Variants in ERICH3 observed in about 807,000 individuals in gnomAD.
The protein encoded by ERICH3 is glutamate rich 3.
Under a neutral mutation model 131.1 loss-of-function variants are expected in ERICH3, and 126 were observed. The ratio of observed to expected loss-of-function variants is 0.96; its 90% CI spans 0.83 to 1.11. The LOEUF is 1.11. Ranked by LOEUF, ERICH3 falls within the 50% of genes most tolerant of loss-of-function variation. The pLI is 0.00. For missense variants in ERICH3, 2,050 were observed against 1,810.7 expected (o/e 1.13, Z -2.40); for synonymous variants, 695 against 644.6 (o/e 1.08, Z -1.18).
At chr1:74,602,558 C>A (rs1449207096) in intron 10 of ERICH3, among the ~76,000 whole-genome samples, 1 of 151,908 alleles carries the variant, frequency 6.6e-6, no homozygotes, top group Admixed American at 6.6e-5. Flanking sequence ...ATTCAAACTT[C>A]TTGCTGTCCT....
At chr1:74,636,699 C>T (rs1557694539) in intron 5 of ERICH3, among the ~76,000 whole-genome samples, 1 of 152,146 alleles carries the variant, frequency 6.6e-6, no homozygotes, top group Non-Finnish European at 1.5e-5. Context: ...CATTACATTC[C>T]TGTATTTTCA....
chr1:74,619,717 A>C (rs1412181703), intron 8 of ERICH3, among the ~76,000 whole-genome samples: 2 of 152,262 alleles, frequency 1.3e-5, no homozygotes, highest in Non-Finnish European at 2.9e-5. Flanking sequence ...AAAATAAACA[A>C]GGTAAATTGC....
At chr1:74,601,833 G>T (rs567597160) in intron 10 of ERICH3, among the ~76,000 whole-genome samples, 1 of 151,956 alleles carries the variant, frequency 6.6e-6, no homozygotes, top group East Asian at 1.9e-4. Flanking sequence ...CTATGTGACC[G>T]TGGGCAATTT....
chr1:74,661,572 C>T (rs946527704), intron 1 of ERICH3, among the ~76,000 whole-genome samples: 2 of 152,170 alleles, frequency 1.3e-5, no homozygotes, highest in Admixed American at 6.5e-5. Context: ...GAAACACCTT[C>T]TCTATGCTCC....
chr1:74,618,638 C>G (rs1649085771), intron 8 of ERICH3, among the ~76,000 whole-genome samples: 1 of 152,090 alleles, frequency 6.6e-6, no homozygotes, highest in South Asian at 2.1e-4. Flanking sequence ...CTACAAGTAG[C>G]AGGAAATACT....
At chr1:74,604,295 T>C (rs1648282519) in intron 10 of ERICH3, among the ~76,000 whole-genome samples, 1 of 151,902 alleles carries the variant, frequency 6.6e-6, no homozygotes, top group Non-Finnish European at 1.5e-5. Context: ...CTACCACATC[T>C]GCAATTACTT....
chr1:74,572,990 T>C lies in ERICH3; in HGVS notation c.2720A>G (p.Glu907Gly), dbSNP rs1646984916. The change falls in exon 14 of 15, where the codon GAA (glutamate) becomes GGA (glycine). Residue 907 changes from glutamate to glycine, a missense_variant. By Grantham distance (98) the Glu-to-Gly change is moderately conservative (BLOSUM62 -2). Coordinates refer to ENST00000326665, the MANE Select transcript of ERICH3 (RefSeq NM_001002912.5). ...ATGCTCCAAGTTCAGGGCTGCTGCT[T>C]CATTTGCAAGCACTGCCTTCTCTAA... ...QGLEKAVLAN[E>G]AAALNLEHLH... The C allele has an allele frequency of 6.2e-7, 1 of 1,614,164 alleles. No homozygotes were observed. The highest frequency in any genetic ancestry group is 2.2e-5 in the East Asian group (1 of 44,876).
chr1:74,660,940 A>G (rs1266352758), intron 1 of ERICH3, among the ~76,000 whole-genome samples: 1 of 152,004 alleles, frequency 6.6e-6, no homozygotes, highest in African/African-American at 2.4e-5. Flanking sequence ...TTAATGTACG[A>G]TGGGAAAATG....
rs182039288 is a variant in ERICH3, at chr1:74,590,493, G to A, written c.1727-413C>T. On this transcript the variant is annotated intron_variant, in intron 11 of 14. Transcript: ENST00000326665. ...ATGCGAGACAGTGGCAGACCATCAG[G>A]CATTAGATTCTCATAAGGAGCTCAC... 1.2e-3 allele frequency among the ~76,000 whole-genome samples: 180 copies of A among 152,312 alleles called. 1 individual carries two copies. Among genetic ancestry groups the A allele is most frequent in the African/African-American group, 4.2e-3 (176 of 41,580 alleles).
At chr1:74,586,048 A>G (rs551601735) in intron 12 of ERICH3, among the ~76,000 whole-genome samples, 25 of 152,172 alleles carry the variant, frequency 1.6e-4, no homozygotes, top group African/African-American at 5.8e-4. Context: ...CCCTGATTCT[A>G]TATTTCCTGG....
At chr1:74,623,404 C>T (rs982018932) in intron 7 of ERICH3, 7 of 152,172 alleles carry the variant, frequency 4.6e-5, no homozygotes, top group African/African-American at 1.7e-4. Flanking sequence ...TCCATGCCCA[C>T]ACAAACAGTA....
At chr1:74,660,634 A>T (rs905462164) in intron 1 of ERICH3, among the ~76,000 whole-genome samples, 2 of 148,528 alleles carry the variant, frequency 1.3e-5, no homozygotes, top group East Asian at 3.9e-4. Flanking sequence ...ATATATACAC[A>T]TGTGTATATA....
At chr1:74,663,165 A>G (rs1279666703) in intron 1 of ERICH3, among the ~76,000 whole-genome samples, 2 of 152,156 alleles carry the variant, frequency 1.3e-5, no homozygotes, top group Non-Finnish European at 2.9e-5. Flanking sequence ...TACCATCAAT[A>G]TTATAAGCTA....
intron 8 of ERICH3, among the ~76,000 whole-genome samples, chr1:74,619,216 G>T (rs570081910): frequency 6.6e-6 from 1 of 152,024 alleles, no homozygotes. Context: ...CATAACCTTT[G>T]GTTTTTCACT....
chr1:74,618,462 G>A (rs751977735), intron 8 of ERICH3, among the ~76,000 whole-genome samples: 3 of 152,250 alleles, frequency 2.0e-5, no homozygotes, highest in Non-Finnish European at 4.4e-5. Context: ...AACAGGATCC[G>A]GTTATGGAAA....
chr1:74,572,149 G>A lies in ERICH3; in HGVS notation c.3561C>T (p.Asp1187=), dbSNP rs994852871. 2 of 1,613,864 alleles carry A rather than the reference G, an allele frequency of 1.2e-6. No individual in the cohort carries two copies. The highest frequency in any genetic ancestry group is 2.7e-5 in the African/African-American group (2 of 74,916). ...GGGERLSEAR[D]TEHKDREELS... is the part of the protein sequence containing the mutation. ...GCTCTTCTCTGTCTTTGTGCTCTGTGTCTCTGGCTTCACTCAGTCTTTCCC... is the reference window on the plus strand; with the variant it reads ...GCTCTTCTCTGTCTTTGTGCTCTGTATCTCTGGCTTCACTCAGTCTTTCCC... Residue 1187 remains aspartate, a synonymous_variant, in exon 14 of 15, where the codon GAC becomes GAT. Transcript: ENST00000326665.
intron 2 of ERICH3, among the ~76,000 whole-genome samples, chr1:74,648,251 T>C (rs1374215075): frequency 1.3e-5 from 2 of 152,146 alleles, no homozygotes; most frequent in Non-Finnish European, 2.9e-5. Flanking sequence ...GTAGGCAAAG[T>C]TCACAGACTG....
chr1:74,671,511 C>T (rs1646743292), intron 1 of ERICH3, among the ~76,000 whole-genome samples: 1 of 152,182 alleles, frequency 6.6e-6, no homozygotes, highest in Admixed American at 6.5e-5. Flanking sequence ...TGTAAAATTC[C>T]TCTCTTTATA....
rs202127316 is a variant in ERICH3 at position 74,573,278 on chromosome 1, G to A, written c.2432C>T (p.Ala811Val). Residue 811 changes from alanine to valine, a missense_variant, in exon 14 of 15, where the codon GCG (alanine) becomes GTG (valine). Transcript: ENST00000326665. ...AGAVHEAPLR[A>V]WKPTAEQPEL... ...TGGCTGCTCTGCTGTTGGCTTCCACGCCCTCAAGGGAGCCTCATGAACAGC... is the reference window on the plus strand; with the variant it reads ...TGGCTGCTCTGCTGTTGGCTTCCACACCCTCAAGGGAGCCTCATGAACAGC... 13 of 1,597,654 alleles carry A rather than the reference G, an allele frequency of 8.1e-6. No homozygotes were observed. The highest frequency in any genetic ancestry group is 4.5e-5 in the East Asian group (2 of 44,848).
Sources: gnomAD v4.1 joint callset for allele counts (sites outside exome capture counted in the v4.1 genomes callset) on GRCh38, gnomAD v4.1.1 for gene constraint, MANE v1.5 for transcripts, NCBI Gene and HGNC (gene_info 2026-07-23, HGNC 2026-07-21) for gene names.